Variants in ZC3H7A observed in about 807,000 individuals in gnomAD.
ZC3H7A encodes the protein zinc finger CCCH-type containing 7A.
Under a neutral mutation model 125.5 loss-of-function variants are expected in ZC3H7A, and 44 were observed. That is an observed-to-expected ratio of 0.35 (90% CI 0.28 to 0.45). The LOEUF (loss-of-function observed/expected upper bound fraction) is 0.45. ZC3H7A is among the 20% of genes least tolerant of loss of function. The pLI is 1.00. For missense variants in ZC3H7A, 977 were observed against 1,170.7 expected, an observed-to-expected ratio of 0.83 and a Z score of 2.41; for synonymous variants, 399 against 391.2, an observed-to-expected ratio of 1.02 and a Z score of -0.23.
At chr16:11,786,595 C>T (rs1449286026) in intron 1 of ZC3H7A, among the ~76,000 whole-genome samples, 4 of 152,120 alleles carry the variant, frequency 2.6e-5, no homozygotes, top group Non-Finnish European at 4.4e-5. Flanking sequence ...TGAAAGGAAA[C>T]GGAAAATGGA....
Position 11,769,039 on chromosome 16 carries a change from G to C in ZC3H7A, c.1165C>G (p.Leu389Val). The change falls in exon 11 of 23, where the codon CTT (leucine) becomes GTT (valine). Residue 389 changes from leucine to valine, a missense_variant. Coordinates refer to ENST00000355758, the MANE Select transcript of ZC3H7A (RefSeq NM_014153.4). ...GAGGAAGTGGCACTTACAAGTAAAA[G>C]GGAAGAATTACTGTTGTTAAGCGGT... Reference protein sequence around the residue: ...GTPLNNSNSSLLLMNGPGSLF... With the variant: ...GTPLNNSNSSVLLMNGPGSLF... 6.2e-7 allele frequency: 1 copy of C among 1,607,164 alleles called. No homozygotes were observed. Among genetic ancestry groups the C allele is most frequent in the Non-Finnish European group, 8.5e-7 (1 of 1,177,538 alleles).
intron 17 of ZC3H7A, 44 bp downstream of exon 17, chr16:11,762,627 C>G (rs200784034): frequency 6.3e-7 from 1 of 1,586,054 alleles, no homozygotes; most frequent in East Asian, 2.2e-5. Flanking sequence ...TTACGCAATT[C>G]CAGAAAGGAC....
intron 7 of ZC3H7A, among the ~76,000 whole-genome samples, chr16:11,775,958 G>C (rs1313677524): frequency 1.3e-5 from 2 of 152,312 alleles, no homozygotes; most frequent in East Asian, 1.9e-4. Context: ...TCAGGAGTTT[G>C]AGGCCAGCCT....
In ZC3H7A at chr16:11,751,437, T is replaced by C. The variant is rs777147003; in HGVS notation, c.2796A>G (p.Glu932=). Residue 932 remains glutamate (E), a synonymous_variant, in exon 23 of 23, where the codon GAA becomes GAG. Transcript: ENST00000355758. The part of the protein sequence containing the change: ...KFAHGNAELH[E]WEERRDALKM... ...TTAGGGCATCTCTTCTTTCTTCCCA[T>C]TCATGAAGTTCGGCATTTCCATGTG... 12 of 1,614,202 alleles carry C rather than the reference T, an allele frequency of 7.4e-6. No individual in the cohort carries two copies. Among genetic ancestry groups the C allele is most frequent in the Admixed American group, 1.7e-5 (1 of 60,018 alleles).
At chr16:11,793,741 C>G (rs556902599) in intron 1 of ZC3H7A, among the ~76,000 whole-genome samples, 1 of 152,328 alleles carries the variant, frequency 6.6e-6, no homozygotes, top group South Asian at 2.1e-4. Flanking sequence ...AGGCAAGCCT[C>G]AGAAGGCTGC....
rs772035962 is a variant in ZC3H7A, at chr16:11,774,360, A to G, written c.779T>C (p.Leu260Pro). Reference sequence around the variant, plus strand: ...GAAGGGCATCTTTCCTCCATTTGCCAGCACTGCAGATGGCAGAGCGCTCTC... The same window carrying G: ...GAAGGGCATCTTTCCTCCATTTGCCGGCACTGCAGATGGCAGAGCGCTCTC... ...VEESALPSAVLANGGKMPFTM... is the reference protein window; with the variant it reads ...VEESALPSAVPANGGKMPFTM... The change falls in exon 9 of 23, where the codon CTG becomes CCG. Residue 260 changes from leucine to proline, a missense_variant. Coordinates refer to ENST00000355758, the MANE Select transcript of ZC3H7A (RefSeq NM_014153.4). The G allele has an allele frequency of 6.2e-6, 10 of 1,614,098 alleles. No individual in the cohort carries two copies. The highest frequency in any genetic ancestry group is 8.5e-6 in the Non-Finnish European group (10 of 1,179,990).
chr16:11,758,581 T>A, intron 19 of ZC3H7A, 42 bp from the exon 20 acceptor site: 1 of 1,423,406 alleles, frequency 7.0e-7, no homozygotes, highest in Non-Finnish European at 9.8e-7. Flanking sequence ...AAAGTACACC[T>A]AGTAAAACGG....
chr16:11,756,995 AGCTGAG>A (rs2052660514), intron 20 of ZC3H7A, among the ~76,000 whole-genome samples: 2 of 150,886 alleles, frequency 1.3e-5, no homozygotes, highest in East Asian at 3.9e-4. Context: ...CAAGTGCTAA[AGCTGAG>A]GTTTCTCAGC....
At chr16:11,773,051 C>T (rs2141193848) in intron 9 of ZC3H7A, among the ~76,000 whole-genome samples, 1 of 152,052 alleles carries the variant, frequency 6.6e-6, no homozygotes, top group South Asian at 2.1e-4. Flanking sequence ...GCCACACGGT[C>T]CCTGTTGCAA....
At chr16:11,764,376 C>T (rs1030333374) in intron 15 of ZC3H7A, among the ~76,000 whole-genome samples, 1 of 152,102 alleles carries the variant, frequency 6.6e-6, no homozygotes, top group Non-Finnish European at 1.5e-5. Flanking sequence ...TGGTAAAACC[C>T]TGTCTCTACT....
chr16:11,761,931 C>T lies in ZC3H7A; in HGVS notation c.2192G>A (p.Cys731Tyr). 2 of 1,613,050 alleles carry T rather than the reference C, an allele frequency of 1.2e-6. No homozygotes were observed. Among genetic ancestry groups the T allele is most frequent in the Non-Finnish European group, 1.7e-6 (2 of 1,179,824 alleles). Residue 731 changes from cysteine to tyrosine, a missense_variant, in exon 18 of 23, where the codon TGT becomes TAT. By Grantham distance (194) the Cys-to-Tyr change is radical (BLOSUM62 -2). Coordinates refer to ENST00000355758, the MANE Select transcript of ZC3H7A (RefSeq NM_014153.4). ...VIEPDKNRKYCSAKARHSWTK... is the reference protein window; with the variant it reads ...VIEPDKNRKYYSAKARHSWTK... The stretch of plus-strand genomic sequence containing the variant: ...TTACGAATGCCTTGCTTTTGCACTA[C>T]AATATTTTCTGTTTTTGTCTGGTTC...
At position 11,751,283 on chromosome 16, in the gene ZC3H7A, C is replaced by T. The variant is rs2141147025; in HGVS notation, c.*34G>A. 6.4e-7 allele frequency: 1 copy of T among 1,572,778 alleles called. No individual in the cohort carries two copies. Among genetic ancestry groups the T allele is most frequent in the Non-Finnish European group, 8.6e-7 (1 of 1,158,942 alleles). On this transcript the variant is annotated 3_prime_UTR_variant, in exon 23 of 23. Transcript: ENST00000355758. Reference sequence around the variant, plus strand: ...ACACTTTCAATTTTTCTGGTCAATGCTCTGATTAGGTATCATACATAAAAG... The same window carrying T: ...ACACTTTCAATTTTTCTGGTCAATGTTCTGATTAGGTATCATACATAAAAG...
intron 16 of ZC3H7A, chr16:11,762,996 A>G: frequency 2.5e-6 from 1 of 403,186 alleles, no homozygotes; most frequent in Non-Finnish European, 4.4e-6. Flanking sequence ...AATTAATGAC[A>G]TGAGAACACA....
At chr16:11,780,560 CA>C (rs1335951171) in intron 3 of ZC3H7A, among the ~76,000 whole-genome samples, 1 of 152,136 alleles carries the variant, frequency 6.6e-6, no homozygotes, top group Non-Finnish European at 1.5e-5. Context: ...CTGGACGGAT[CA>C]ACTATTAACA....
intron 1 of ZC3H7A, among the ~76,000 whole-genome samples, chr16:11,794,946 G>C (rs954923757): frequency 2.0e-5 from 3 of 152,196 alleles, no homozygotes; most frequent in African/African-American, 7.2e-5. Context: ...ACAGTAACAT[G>C]AAGAAAGGCA....
intron 2 of ZC3H7A, 60 bp from the exon 3 acceptor site, chr16:11,781,524 C>T: frequency 6.4e-7 from 1 of 1,563,538 alleles, no homozygotes; most frequent in Non-Finnish European, 8.8e-7. Context: ...CCTGTTCAGC[C>T]AGAAGTCATC....
chr16:11,756,991 C>CAT (rs2052660133), intron 20 of ZC3H7A, among the ~76,000 whole-genome samples: 2 of 89,442 alleles, frequency 2.2e-5, no homozygotes, highest in East Asian at 1.4e-3. Flanking sequence ...TTGCCAAGTG[C>CAT]TAAAGCTGAG....
In ZC3H7A at chr16:11,774,416, G is replaced by A. The variant is rs771872194; in HGVS notation, c.723C>T (p.Pro241=). The change falls in exon 9 of 23, where the codon CCC becomes CCT. Residue 241 remains proline, a synonymous_variant. Coordinates refer to ENST00000355758, the MANE Select transcript of ZC3H7A (RefSeq NM_014153.4). The part of the protein sequence containing the change: ...GSELASVPVM[P]LTSILPLQVE... Reference sequence around the variant, plus strand: ...CTTGTAGTGGCAAAATAGAAGTTAAGGGCATAACAGGAACTGAGGCCAGCT... The same window carrying A: ...CTTGTAGTGGCAAAATAGAAGTTAAAGGCATAACAGGAACTGAGGCCAGCT... The A allele has an allele frequency of 3.1e-6, 5 of 1,612,446 alleles. No homozygotes were observed. The highest frequency in any genetic ancestry group is 4.2e-6 in the Non-Finnish European group (5 of 1,178,944).
At chr16:11,752,297 A>G (rs2052566876) in intron 22 of ZC3H7A, among the ~76,000 whole-genome samples, 1 of 152,248 alleles carries the variant, frequency 6.6e-6, no homozygotes, top group Non-Finnish European at 1.5e-5. Flanking sequence ...AATATAATGT[A>G]AAAGCCATTT....
Sources: allele counts gnomAD v4.1 joint callset (sites outside exome capture counted in the v4.1 genomes callset), GRCh38; gene constraint gnomAD v4.1.1; transcripts MANE v1.5; gene names NCBI Gene and HGNC (gene_info 2026-07-23, HGNC 2026-07-21).